The following GRID2 variants were observed in gnomAD, a reference collection of about 807,000 sequenced individuals.
The protein encoded by GRID2 is glutamate ionotropic receptor delta type subunit 2.
GRID2 carries 33 observed loss-of-function variants against 114.8 expected under a neutral mutation model. That is an observed-to-expected ratio of 0.29 (90% CI 0.22 to 0.38). GRID2 has a LOEUF of 0.38. GRID2 is among the 10% of genes least tolerant of loss of function. The pLI, the probability that GRID2 is intolerant of heterozygous loss-of-function variation, is 1.00. For synonymous variants in GRID2, 505 were observed against 449.9 expected, an observed-to-expected ratio of 1.12 and a Z score of -1.55; for missense variants, 1,184 against 1,257.7, an observed-to-expected ratio of 0.94 and a Z score of 0.89.
chr4:92,886,304 A>G (rs1301866783), intron 2 of GRID2, among the ~76,000 whole-genome samples: 1 of 152,128 alleles, frequency 6.6e-6, no homozygotes, highest in Non-Finnish European at 1.5e-5. Flanking sequence ...GATCACCACA[A>G]TAGATATAAT....
Position 93,058,614 on chromosome 4 carries a change from T to C in GRID2, c.245-26381T>C, listed in dbSNP as rs542831052. Among the ~76,000 whole-genome samples, 12 of 152,092 alleles carry C rather than the reference T, an allele frequency of 7.9e-5. No individual in the cohort carries two copies. In the South Asian group the frequency reaches 2.3e-3, roughly 29 times the overall value. Reference sequence around the variant, plus strand: ...TTATTGCTTAAATCACTGTTTAAGGTAGAATACTTGTTCTACTTCAGGAAA... The same window carrying C: ...TTATTGCTTAAATCACTGTTTAAGGCAGAATACTTGTTCTACTTCAGGAAA... On this transcript the variant is annotated intron_variant, in intron 2 of 15. Transcript: ENST00000282020.
chr4:92,485,896 G>A (rs188948271), intron 1 of GRID2, among the ~76,000 whole-genome samples: 107 of 151,276 alleles, frequency 7.1e-4, no homozygotes, highest in African/African-American at 2.5e-3. Context: ...AAATTTTCTG[G>A]GCCTGGAAAC....
At chr4:93,283,522 C>A (rs1561083260) in intron 8 of GRID2, among the ~76,000 whole-genome samples, 1 of 151,830 alleles carries the variant, frequency 6.6e-6, no homozygotes, top group Admixed American at 6.6e-5. Context: ...GAGAATGAAG[C>A]CTAGGAATGT....
chr4:93,600,949 A>G (rs1336362115), intron 13 of GRID2, among the ~76,000 whole-genome samples: 1 of 152,230 alleles, frequency 6.6e-6, no homozygotes, highest in African/African-American at 2.4e-5. Flanking sequence ...ATTTCTATGA[A>G]GCTCAAGAGC....
intron 13 of GRID2, among the ~76,000 whole-genome samples, chr4:93,529,326 T>G (rs1731225427): frequency 6.6e-6 from 1 of 152,302 alleles, no homozygotes; most frequent in East Asian, 1.9e-4. Flanking sequence ...TGGGTACTAT[T>G]TAAAAGCCCT....
chr4:92,825,708 G>T (rs1741646790), intron 2 of GRID2, among the ~76,000 whole-genome samples: 4 of 152,050 alleles, frequency 2.6e-5, no homozygotes. Context: ...GCCCCCAACA[G>T]AAACCATGTT....
chr4:93,444,642 C>A (rs974214375), intron 10 of GRID2, among the ~76,000 whole-genome samples: 5 of 151,936 alleles, frequency 3.3e-5, no homozygotes, highest in Middle Eastern at 3.4e-3. Flanking sequence ...AATTAGAGTA[C>A]CTTCATAATC....
chr4:93,657,025 T>C (rs1723086168), intron 14 of GRID2, among the ~76,000 whole-genome samples: 1 of 151,856 alleles, frequency 6.6e-6, no homozygotes, highest in Non-Finnish European at 1.5e-5. Flanking sequence ...GGAAAAGGTG[T>C]CAATGTGTTA....
intron 12 of GRID2, among the ~76,000 whole-genome samples, chr4:93,502,638 G>T (rs370856846): frequency 6.6e-6 from 1 of 151,434 alleles, no homozygotes; most frequent in East Asian, 2.0e-4. Flanking sequence ...ATTCTCTGAT[G>T]CTCTTAGTTC....
At chr4:93,310,123 C>T (rs1755858109) in intron 8 of GRID2, among the ~76,000 whole-genome samples, 2 of 152,060 alleles carry the variant, frequency 1.3e-5, no homozygotes, top group Non-Finnish European at 2.9e-5. Context: ...CAGATATTTA[C>T]TAGACATGCA....
chr4:92,704,384 G>T (rs1176683195), intron 2 of GRID2, among the ~76,000 whole-genome samples: 4 of 152,016 alleles, frequency 2.6e-5, no homozygotes, highest in Non-Finnish European at 5.9e-5. Flanking sequence ...AGTTGTTATG[G>T]GTTGTTTTGA....
In GRID2 at chr4:93,040,295, AAAAG is replaced by A. The variant is rs1219738210; in HGVS notation, c.245-44692_245-44689del. Among the ~76,000 whole-genome samples the A allele has an allele frequency of 3.9e-5, 6 of 152,056 alleles. No individual in the cohort carries two copies. In the South Asian group the frequency reaches 6.2e-4, roughly 16 times the overall value. ...GGAGTTACAGAATCACAAAAAAAAA[AAAAG>A]AAAGAAAACATCACTAACAATGAAA... On this transcript the variant is annotated intron_variant, in intron 2 of 15. Transcript: ENST00000282020.
chr4:93,139,873 T>C (rs1197407875), intron 4 of GRID2, among the ~76,000 whole-genome samples: 1 of 152,096 alleles, frequency 6.6e-6, no homozygotes, highest in Non-Finnish European at 1.5e-5. Context: ...AAACAGTTAA[T>C]GTTATGAAAA....
At chr4:93,382,818 A>T (rs1256498427) in intron 8 of GRID2, among the ~76,000 whole-genome samples, 2 of 150,928 alleles carry the variant, frequency 1.3e-5, no homozygotes, top group Non-Finnish European at 2.9e-5. Context: ...TTTTGTTGAA[A>T]ATTAGACATG....
intron 1 of GRID2, among the ~76,000 whole-genome samples, chr4:92,399,567 A>G (rs1277330699): frequency 6.6e-6 from 1 of 152,088 alleles, no homozygotes; most frequent in East Asian, 1.9e-4. Context: ...GAAGCTTTAT[A>G]AAGATACACA....
chr4:92,813,678 TCACA>T (rs952743743), intron 2 of GRID2, among the ~76,000 whole-genome samples: 11 of 151,882 alleles, frequency 7.2e-5, no homozygotes, highest in Non-Finnish European at 1.5e-4. Flanking sequence ...ACACATATAC[TCACA>T]CACACTTTTT....
chr4:93,440,076 C>T (rs1054437945), intron 10 of GRID2, among the ~76,000 whole-genome samples: 2 of 151,980 alleles, frequency 1.3e-5, no homozygotes, highest in African/African-American at 4.8e-5. Context: ...CCACTGGGAT[C>T]AGGAGAAGGT....
intron 10 of GRID2, among the ~76,000 whole-genome samples, chr4:93,438,029 A>G (rs1277162900): frequency 6.6e-6 from 1 of 152,126 alleles, no homozygotes. Context: ...TGTTTTGGAA[A>G]TCAGAAGACT....
chr4:93,075,666 G>A (rs1385297153), intron 2 of GRID2, among the ~76,000 whole-genome samples: 2 of 151,750 alleles, frequency 1.3e-5, no homozygotes, highest in Non-Finnish European at 2.9e-5. Context: ...ATATTTTCTG[G>A]CAATGAAATT....
Sources: allele counts gnomAD v4.1 joint callset (sites outside exome capture counted in the v4.1 genomes callset), GRCh38; gene constraint gnomAD v4.1.1; transcripts MANE v1.5; gene names NCBI Gene and HGNC (gene_info 2026-07-23, HGNC 2026-07-21).